Variants in CD2AP observed in about 807,000 individuals in gnomAD.
The protein encoded by CD2AP is CD2 associated protein, also known as CD2-associated protein.
Under a neutral mutation model 85.1 loss-of-function variants are expected in CD2AP, and 46 were observed. That is an observed-to-expected ratio of 0.54 (90% CI 0.43 to 0.69). CD2AP has a LOEUF of 0.69. Among genes scored for constraint, CD2AP ranks in the 30% least tolerant of loss-of-function variants. The pLI, the probability that CD2AP is intolerant of heterozygous loss-of-function variation, is 0.00. For synonymous variants in CD2AP, 255 were observed against 252.9 expected (o/e 1.01, Z -0.08); for missense variants, 769 against 729.5 (o/e 1.05, Z -0.62).
At position 47,478,067 on chromosome 6, in the gene CD2AP, G is replaced by A; in HGVS notation, c.-178G>A. On this transcript the variant is annotated 5_prime_UTR_variant, in exon 1 of 18. Coordinates refer to ENST00000359314, the MANE Select transcript of CD2AP (RefSeq NM_012120.3). Reference sequence around the variant, plus strand: ...CCTCTGCCTCGAGGGCCGCGCTGAAGAGACTGGTAGGAGAGCGCCGCGGGC... The same window carrying A: ...CCTCTGCCTCGAGGGCCGCGCTGAAAAGACTGGTAGGAGAGCGCCGCGGGC... The A allele has an allele frequency of 1.3e-6, 1 of 778,318 alleles. No homozygotes were observed. Among genetic ancestry groups the A allele is most frequent in the South Asian group, 1.7e-5 (1 of 59,386 alleles). The allele number at this position is 778,318 out of a possible 1,614,324, so 48.2% of individuals were successfully genotyped here. A position where few individuals can be genotyped will look rare whatever the true frequency, so the allele number is the denominator to read the frequency against.
chr6:47,499,086 A>AT (rs1419846574), intron 1 of CD2AP, among the ~76,000 whole-genome samples: 22 of 152,048 alleles, frequency 1.4e-4, no homozygotes, highest in African/African-American at 4.8e-4. Flanking sequence ...ATACCATTTC[A>AT]TTTTTTTTGA....
chr6:47,555,384 A>G (rs145480431), intron 5 of CD2AP, among the ~76,000 whole-genome samples: 1 of 152,270 alleles, frequency 6.6e-6, no homozygotes, highest in East Asian at 1.9e-4. Flanking sequence ...TCTTGAATTT[A>G]CAAGTGGAAA....
chr6:47,543,551 G>C (rs934943751), intron 3 of CD2AP, among the ~76,000 whole-genome samples: 2 of 152,168 alleles, frequency 1.3e-5, no homozygotes, highest in East Asian at 3.8e-4. Flanking sequence ...TTGGTTTCTG[G>C]TGATGCCCCT....
intron 13 of CD2AP, 145 bp downstream of exon 13, chr6:47,599,588 G>C: frequency 1.3e-6 from 1 of 765,728 alleles, no homozygotes; most frequent in Non-Finnish European, 2.1e-6. Flanking sequence ...AAATTTAGCA[G>C]CCAAAGTAGA....
chr6:47,548,153 G>A (rs1767416085), intron 4 of CD2AP, among the ~76,000 whole-genome samples: 1 of 151,928 alleles, frequency 6.6e-6, no homozygotes, highest in Non-Finnish European at 1.5e-5. Flanking sequence ...ACGAGAAAAA[G>A]AAGAACAAAC....
chr6:47,566,568 A>G (rs1428677800), intron 5 of CD2AP, among the ~76,000 whole-genome samples: 1 of 151,988 alleles, frequency 6.6e-6, no homozygotes, highest in African/African-American at 2.4e-5. Context: ...TAAGTGTGCC[A>G]TGGTGGTTCC....
chr6:47,540,310 G>T (rs1767178521), intron 3 of CD2AP, among the ~76,000 whole-genome samples: 1 of 151,262 alleles, frequency 6.6e-6, no homozygotes, highest in African/African-American at 2.4e-5. Context: ...ATACATTATA[G>T]AAATTAACAT....
intron 17 of CD2AP, among the ~76,000 whole-genome samples, chr6:47,617,620 T>C (rs1439765214): frequency 6.6e-6 from 1 of 152,186 alleles, no homozygotes; most frequent in African/African-American, 2.4e-5. Context: ...CATTCACTTC[T>C]AGTCCTATTA....
At chr6:47,611,013 C>T (rs1582623759) in intron 16 of CD2AP, among the ~76,000 whole-genome samples, 1 of 124,142 alleles carries the variant, frequency 8.1e-6, no homozygotes, top group African/African-American at 3.2e-5. Flanking sequence ...GGAAGTCTTT[C>T]CAAAGGGTAT....
At chr6:47,498,393 A>C (rs997287366) in intron 1 of CD2AP, among the ~76,000 whole-genome samples, 3 of 152,148 alleles carry the variant, frequency 2.0e-5, no homozygotes, top group African/African-American at 4.8e-5. Flanking sequence ...GTTATTATGA[A>C]ATTGCACCGA....
chr6:47,616,884 C>G (rs1769605498), intron 17 of CD2AP, among the ~76,000 whole-genome samples: 1 of 152,104 alleles, frequency 6.6e-6, no homozygotes, highest in Non-Finnish European at 1.5e-5. Context: ...CCATTGCCAC[C>G]CTGTCAAAGG....
intron 11 of CD2AP, among the ~76,000 whole-genome samples, chr6:47,589,379 T>TACACACAC (rs1554182232): frequency 5.0e-5 from 7 of 139,438 alleles, no homozygotes; most frequent in Admixed American, 7.3e-5. Context: ...CTCTTGAATA[T>TACACACAC]ACACACACAC....
chr6:47,578,657 CT>C (rs543172205), intron 8 of CD2AP, among the ~76,000 whole-genome samples: 352 of 143,322 alleles, frequency 2.5e-3, no homozygotes, highest in Middle Eastern at 3.7e-3. Context: ...TTCATTATAT[CT>C]TTTTTTTTTT....
chr6:47,533,511 T>C (rs992324685), intron 2 of CD2AP, 91 bp from the exon 3 acceptor site: 8 of 1,170,760 alleles, frequency 6.8e-6, no homozygotes, highest in Non-Finnish European at 9.9e-6. Context: ...ATATAGTAAT[T>C]ACTGTAGCTA....
Position 47,625,593 on chromosome 6 carries a change from G to C in CD2AP, c.*1366G>C, listed in dbSNP as rs1248686965. On this transcript the variant is annotated 3_prime_UTR_variant, in exon 18 of 18. Coordinates refer to ENST00000359314, the MANE Select transcript of CD2AP (RefSeq NM_012120.3). ...TTTTATTTGCAAAAAATTGTTTTAT[G>C]CTTTATTATATCGCAAATGAGTGTC... is the stretch of plus-strand genomic sequence containing the variant. 6.6e-6 allele frequency: 1 copy of C among 151,642 alleles called. No homozygotes were observed. The highest frequency in any genetic ancestry group is 2.4e-5 in the African/African-American group (1 of 41,388). The allele number at this position is 151,642 out of a possible 1,614,324, so 9.4% of individuals were successfully genotyped here.
chr6:47,556,860 A>G (rs1430006911), intron 5 of CD2AP, among the ~76,000 whole-genome samples: 2 of 152,178 alleles, frequency 1.3e-5, no homozygotes, highest in African/African-American at 4.8e-5. Context: ...TTGCTGGGTC[A>G]AATGGTATTT....
chr6:47,491,749 T>TA (rs896601620), intron 1 of CD2AP, among the ~76,000 whole-genome samples: 1 of 152,134 alleles, frequency 6.6e-6, no homozygotes, highest in East Asian at 1.9e-4. Flanking sequence ...TGTAATAATT[T>TA]AAAAAAATTA....
At chr6:47,513,506 AT>A (rs1356482060) in intron 2 of CD2AP, among the ~76,000 whole-genome samples, 1 of 151,816 alleles carries the variant, frequency 6.6e-6, no homozygotes, top group Non-Finnish European at 1.5e-5. Context: ...TTAGTGTTTG[AT>A]TTTGAAGTTT....
intron 1 of CD2AP, among the ~76,000 whole-genome samples, chr6:47,492,628 C>T (rs1238658030): frequency 6.6e-6 from 1 of 152,000 alleles, no homozygotes; most frequent in South Asian, 2.1e-4. Context: ...TGTGCCTGGC[C>T]TCTGTGTGTA....
Sources: gnomAD v4.1 joint callset for allele counts (sites outside exome capture counted in the v4.1 genomes callset) on GRCh38, gnomAD v4.1.1 for gene constraint, MANE v1.5 for transcripts, NCBI Gene and HGNC (gene_info 2026-07-23, HGNC 2026-07-21) for gene names.